The following MYLK4 variants were observed in gnomAD, a reference collection of about 807,000 sequenced individuals.
MYLK4 encodes caMLCK like.
In MYLK4, 46 loss-of-function variants were observed where a neutral mutation model predicts 48.1. That is an observed-to-expected ratio of 0.96 (90% CI 0.75 to 1.22). The LOEUF (loss-of-function observed/expected upper bound fraction) is 1.22. Ranked by LOEUF, MYLK4 falls within the 50% of genes most tolerant of loss-of-function variation. The pLI is 0.00. For missense variants in MYLK4, 451 were observed against 486.1 expected (o/e 0.93, Z 0.68); for synonymous variants, 170 against 180.8 (o/e 0.94, Z 0.48).
intron 2 of MYLK4, among the ~76,000 whole-genome samples, chr6:2,708,519 A>G (rs1005887179): frequency 6.6e-6 from 1 of 152,230 alleles, no homozygotes; most frequent in African/African-American, 2.4e-5. Context: ...CAATCTCAAA[A>G]AACTATATTT....
intron 2 of MYLK4, among the ~76,000 whole-genome samples, chr6:2,719,775 G>A (rs754844139): frequency 6.6e-6 from 1 of 151,984 alleles, no homozygotes; most frequent in East Asian, 1.9e-4. Context: ...CAAATTAATA[G>A]CTAACAAAGT....
At chr6:2,724,291 C>T (rs114332961) in intron 2 of MYLK4, among the ~76,000 whole-genome samples, 3,024 of 152,310 alleles carry the variant, frequency 0.02, 31 homozygotes, top group South Asian at 0.035. Context: ...TCACCAAAAA[C>T]CCATGTCTCC....
chr6:2,676,277 T>G (rs1376657663), intron 10 of MYLK4, among the ~76,000 whole-genome samples: 3 of 152,186 alleles, frequency 2.0e-5, no homozygotes, highest in Non-Finnish European at 4.4e-5. Context: ...GAGATAAGTC[T>G]TTATTACATC....
the MYLK4 span, chr6:2,766,312 G>T: frequency 1.2e-6 from 2 of 1,609,988 alleles, no homozygotes; most frequent in South Asian, 2.2e-5. Context: ...TGGCCGACAC[G>T]ATGCGTCCTG....
intron 4 of MYLK4, among the ~76,000 whole-genome samples, chr6:2,686,528 G>T (rs1321349944): frequency 6.6e-6 from 1 of 152,174 alleles, no homozygotes; most frequent in Non-Finnish European, 1.5e-5. Context: ...AGTAAAATAA[G>T]CTAGAACACG....
chr6:2,755,534 G>C (rs903190716), upstream of MYLK4, among the ~76,000 whole-genome samples: 2 of 152,054 alleles, frequency 1.3e-5, no homozygotes, highest in Non-Finnish European at 2.9e-5. Flanking sequence ...TGGTCATTCC[G>C]TTTATTTTAT....
the MYLK4 span, chr6:2,765,742 G>C: frequency 1.3e-6 from 2 of 1,514,392 alleles, no homozygotes; most frequent in South Asian, 2.4e-5. Context: ...ACCGCTGTCT[G>C]CTGCTCCACC....
At chr6:2,721,625 A>G (rs933186100) in intron 2 of MYLK4, among the ~76,000 whole-genome samples, 1 of 152,218 alleles carries the variant, frequency 6.6e-6, no homozygotes, top group Non-Finnish European at 1.5e-5. Context: ...AGACTGCCTC[A>G]TATGTAAGTT....
intron 2 of MYLK4, among the ~76,000 whole-genome samples, chr6:2,714,756 A>G (rs1762807157): frequency 6.6e-6 from 1 of 152,258 alleles, no homozygotes; most frequent in Non-Finnish European, 1.5e-5. Flanking sequence ...GTATATACAC[A>G]CAATAGAATA....
the MYLK4 span, among the ~76,000 whole-genome samples, chr6:2,765,257 C>T: frequency 7.5e-6 from 1 of 133,200 alleles, no homozygotes; most frequent in Non-Finnish European, 1.5e-5. Context: ...GCAGCTGGGG[C>T]GAATGGCCGC....
At chr6:2,728,485 C>T (rs112730538) in intron 2 of MYLK4, among the ~76,000 whole-genome samples, 2,611 of 152,158 alleles carry the variant, frequency 0.017, 65 homozygotes, top group African/African-American at 0.059. Flanking sequence ...CTCTGTGTCC[C>T]GCAGCCGACC....
At chr6:2,752,179 T>C (rs1439388661), upstream of MYLK4, among the ~76,000 whole-genome samples, 1 of 152,216 alleles carries the variant, frequency 6.6e-6, no homozygotes, top group Admixed American at 6.5e-5. Context: ...GCCAGGAGAA[T>C]CTGCTCCTTA....
intron 2 of MYLK4, among the ~76,000 whole-genome samples, chr6:2,721,496 G>A (rs1166755082): frequency 1.3e-5 from 2 of 151,870 alleles, no homozygotes; most frequent in African/African-American, 4.8e-5. Flanking sequence ...GAAAGCAACT[G>A]GATGGTTTAA....
chr6:2,701,408 A>G (rs1762274544), intron 2 of MYLK4, among the ~76,000 whole-genome samples: 1 of 152,160 alleles, frequency 6.6e-6, no homozygotes, highest in South Asian at 2.1e-4. Context: ...TCCTAATGTG[A>G]GGCGAGGTGT....
At position 2,674,929 on chromosome 6, in the gene MYLK4, A is replaced by G; in HGVS notation, c.1119+118T>C. ...TAATTTAATACTGCACAAGATTTGC[A>G]GTCTGTGAGAAAAAGAATGAGAAAG... On this transcript the variant is annotated intron_variant, in intron 11 of 12. Coordinates refer to ENST00000274643, the MANE Select transcript of MYLK4 (RefSeq NM_001012418.5). 6.0e-6 allele frequency: 5 copies of G among 829,416 alleles called. No homozygotes were observed. In the South Asian group the frequency reaches 7.8e-5, roughly 13 times the overall value. The allele number at this position is 829,416 out of a possible 1,614,324, so 51.4% of individuals were successfully genotyped here. A position where few individuals can be genotyped will look rare whatever the true frequency, so the allele number is the denominator to read the frequency against.
chr6:2,692,656 ATT>A (rs1160244184), intron 3 of MYLK4, 126 bp downstream of exon 3: 1 of 468,836 alleles, frequency 2.1e-6, no homozygotes. Context: ...GGGGGGGGGC[ATT>A]TTTTTATAAA....
chr6:2,695,028 C>G (rs1762010578), intron 2 of MYLK4, among the ~76,000 whole-genome samples: 1 of 152,030 alleles, frequency 6.6e-6, no homozygotes, highest in South Asian at 2.1e-4. Flanking sequence ...AAATCAAAAA[C>G]AAATTAGCAG....
chr6:2,768,957 AC>A, the MYLK4 span: 1 of 1,421,208 alleles, frequency 7.0e-7, no homozygotes. Context: ...CACTATACAA[AC>A]GCTAGAGACT....
intron 2 of MYLK4, among the ~76,000 whole-genome samples, chr6:2,701,564 T>C (rs2113215236): frequency 6.6e-6 from 1 of 152,324 alleles, no homozygotes; most frequent in South Asian, 2.1e-4. Flanking sequence ...AAAAGCTACC[T>C]CTGAAAAGCA....
Sources: gnomAD v4.1 joint callset for allele counts (sites outside exome capture counted in the v4.1 genomes callset) on GRCh38, gnomAD v4.1.1 for gene constraint, MANE v1.5 for transcripts, NCBI Gene and HGNC (gene_info 2026-07-23, HGNC 2026-07-21) for gene names.